Variants in DNAH8 observed in about 807,000 individuals in gnomAD.
DNAH8 encodes axonemal beta dynein heavy chain 8.
Under a neutral mutation model 562.1 loss-of-function variants are expected in DNAH8, and 382 were observed. That is an observed-to-expected ratio of 0.68 (90% CI 0.63 to 0.74). DNAH8 has a LOEUF of 0.74. DNAH8 is among the 30% of genes least tolerant of loss of function. The probability of loss-of-function intolerance (pLI) is 0.00; values close to 1 mark genes in which losing one functional copy is unlikely to be tolerated. For synonymous variants in DNAH8, 1,881 were observed against 1,919.4 expected, an observed-to-expected ratio of 0.98 and a Z score of 0.52; for missense variants, 5,203 against 5,620.4, an observed-to-expected ratio of 0.93 and a Z score of 2.37.
In DNAH8 at chr6:38,973,777, G is replaced by A. The variant is rs200348518; in HGVS notation, c.12642G>A (p.Thr4214=). The change falls in exon 84 of 93, where the codon ACG becomes ACA. Residue 4214 remains threonine, a synonymous_variant. Coordinates refer to ENST00000327475, the MANE Select transcript of DNAH8 (RefSeq NM_001206927.2). ...SDDSFRVWIT[T]EPHDRFPITL... ...ATTCTTTCCGAGTATGGATAACTAC[G>A]GAGCCCCATGATCGATTTCCAATTA... 2.7e-5 allele frequency: 43 copies of A among 1,609,236 alleles called. No individual in the cohort carries two copies. The highest frequency in any genetic ancestry group is 2.0e-4 in the African/African-American group (15 of 74,544).
rs1779959431 is a variant in DNAH8 at position 38,899,849 on chromosome 6, T to C, written c.9137T>C (p.Leu3046Pro). The C allele has an allele frequency of 6.2e-7, 1 of 1,611,782 alleles. No homozygotes were observed. The highest frequency in any genetic ancestry group is 1.7e-5 in the Admixed American group (1 of 59,568). The change falls in exon 62 of 93, where the codon CTT (leucine) becomes CCT (proline). Residue 3046 changes from leucine to proline, a missense_variant. By Grantham distance (98) the Leu-to-Pro change is moderately conservative. Transcript: ENST00000327475. ...VGVGGSGKQS[L>P]SRLASFIAGY... ...GTTGGTGGTTCCGGAAAACAAAGTC[T>C]TTCAAGATTGGCCTCTTTTATTGCT...
chr6:38,983,607 A>C (rs1437172087), intron 86 of DNAH8, among the ~76,000 whole-genome samples: 3 of 152,220 alleles, frequency 2.0e-5, no homozygotes, highest in African/African-American at 7.2e-5. Flanking sequence ...ATTTCTCGTA[A>C]CTCAAATGTA....
Position 38,946,725 on chromosome 6 carries a change from G to A in DNAH8, c.12129+1137G>A, listed in dbSNP as rs372749295. Among the ~76,000 whole-genome samples the A allele has an allele frequency of 1.9e-4, 29 of 152,132 alleles. No homozygotes were observed. The South Asian group carries it at 2.9e-3, about 15-fold the overall frequency. ...CTCGGGAGGCTGAGGCAGGAGAATC[G>A]CTTAAAACTGGGAAGCGGGGGTTGC... On this transcript the variant is annotated intron_variant, in intron 80 of 92. Transcript: ENST00000327475.
intron 1 of DNAH8, among the ~76,000 whole-genome samples, chr6:38,719,380 C>G (rs1409768774): frequency 6.6e-6 from 1 of 152,128 alleles, no homozygotes; most frequent in Non-Finnish European, 1.5e-5. Context: ...CCCTAACCCC[C>G]ATCCTTCCCT....
chr6:38,819,920 A>C (rs1019358684), intron 26 of DNAH8, among the ~76,000 whole-genome samples: 1 of 152,218 alleles, frequency 6.6e-6, no homozygotes, highest in African/African-American at 2.4e-5. Context: ...AAAAATTTGC[A>C]CAGCATTTTT....
chr6:38,892,929 T>C (rs1302225691), intron 58 of DNAH8, among the ~76,000 whole-genome samples: 1 of 152,184 alleles, frequency 6.6e-6, no homozygotes, highest in Non-Finnish European at 1.5e-5. Context: ...AGAGCGACTG[T>C]TCCAATCATC....
In DNAH8 at chr6:38,918,155, C is replaced by T; in HGVS notation, c.10524+15C>T. 1 of 1,554,348 alleles carries T rather than the reference C, an allele frequency of 6.4e-7. No individual in the cohort carries two copies. Among genetic ancestry groups the T allele is most frequent in the South Asian group, 1.1e-5 (1 of 88,120 alleles). On this transcript the variant is annotated intron_variant, in intron 70 of 92. Transcript: ENST00000327475. ...TGCCTCTGAAGGTAAAAGTTTCCTT[C>T]CTTCTCCCAGTAAATCAATATTTCA... is the stretch of plus-strand genomic sequence containing the variant.
intron 24 of DNAH8, among the ~76,000 whole-genome samples, chr6:38,810,123 CT>C (rs1204121805): frequency 2.0e-5 from 3 of 152,112 alleles, no homozygotes; most frequent in Admixed American, 6.6e-5. Context: ...TATAGTTGCA[CT>C]TAATTTATGA....
In DNAH8 at chr6:38,873,229, G is replaced by A. The variant is rs1400930406; in HGVS notation, c.7480-7G>A. On this transcript the variant is annotated splice_region_variant and splice_polypyrimidine_tract_variant and intron_variant, in intron 51 of 92. Transcript: ENST00000327475. ...CAATAAACACAGATTCTGTTTCTTT[G>A]TTGCAGGCATGGTTGAAGAAACGCA... 1.2e-6 allele frequency: 2 copies of A among 1,612,392 alleles called. No individual in the cohort carries two copies. Among genetic ancestry groups the A allele is most frequent in the Non-Finnish European group, 1.7e-6 (2 of 1,179,656 alleles).
At chr6:38,876,791 C>A (rs781240541) in intron 53 of DNAH8, among the ~76,000 whole-genome samples, 106 of 152,270 alleles carry the variant, frequency 7.0e-4, no homozygotes, top group Middle Eastern at 3.4e-3. Flanking sequence ...CTGTTTGAAT[C>A]GTGTAAAATA....
chr6:39,015,229 A>G (rs531326304), intron 91 of DNAH8, among the ~76,000 whole-genome samples: 60 of 152,376 alleles, frequency 3.9e-4, no homozygotes, highest in Non-Finnish European at 7.3e-4. Flanking sequence ...GGCTTTCCAT[A>G]GTCACGAATG....
rs1049202741 is a variant in DNAH8, at chr6:39,024,126, C to T, written c.13715-2420C>T. On this transcript the variant is annotated intron_variant, in intron 91 of 92. Coordinates refer to ENST00000327475, the MANE Select transcript of DNAH8 (RefSeq NM_001206927.2). ...AGAATCCAGCTCTATCCTCCTCTGG[C>T]ACCTATGACATTGTCTTGGTCATTG... 5.3e-5 allele frequency among the ~76,000 whole-genome samples: 8 copies of T among 152,206 alleles called. 1 individual carries two copies. The highest frequency in any genetic ancestry group is 5.2e-4 in the Admixed American group (8 of 15,282).
chr6:38,971,812 T>G, intron 83 of DNAH8, 147 bp downstream of exon 83: 2 of 495,586 alleles, frequency 4.0e-6, no homozygotes, highest in Non-Finnish European at 6.9e-6. Context: ...TCAGTCTAGT[T>G]TCCTCCTGAT....
At chr6:38,883,777 C>A in intron 55 of DNAH8, 99 bp from the exon 56 acceptor site, 6 of 982,696 alleles carry the variant, frequency 6.1e-6, no homozygotes, top group Non-Finnish European at 4.2e-6. Context: ...TTATTAAATG[C>A]GTAAGTAAAT....
At chr6:38,958,665 A>AT (rs1762421819) in intron 82 of DNAH8, among the ~76,000 whole-genome samples, 1 of 150,606 alleles carries the variant, frequency 6.6e-6, no homozygotes. Context: ...AAAAAAAAAA[A>AT]AAAAGCCCAG....
At chr6:38,743,198 T>C (rs143735260) in intron 8 of DNAH8, among the ~76,000 whole-genome samples, 2 of 151,842 alleles carry the variant, frequency 1.3e-5, no homozygotes, top group Non-Finnish European at 2.9e-5. Flanking sequence ...AATAATTTTT[T>C]AAAAATGTTG....
chr6:38,819,191 T>A (rs1031307665), intron 26 of DNAH8, among the ~76,000 whole-genome samples: 1 of 152,224 alleles, frequency 6.6e-6, no homozygotes, highest in Non-Finnish European at 1.5e-5. Flanking sequence ...TGTTCTTTCC[T>A]TTATGGCTAG....
At chr6:38,743,720 T>A (rs188276536) in intron 8 of DNAH8, among the ~76,000 whole-genome samples, 1 of 152,368 alleles carries the variant, frequency 6.6e-6, no homozygotes, top group East Asian at 1.9e-4. Flanking sequence ...TTCCTTTTTA[T>A]GGCTGAATCA....
intron 34 of DNAH8, 52 bp from the exon 35 acceptor site, chr6:38,842,611 T>C: frequency 3.1e-6 from 5 of 1,594,852 alleles, no homozygotes; most frequent in Non-Finnish European, 4.3e-6. Context: ...CATAAAACCT[T>C]CCTCAAATAA....
Sources: gnomAD v4.1 joint callset for allele counts (sites outside exome capture counted in the v4.1 genomes callset) on GRCh38, gnomAD v4.1.1 for gene constraint, MANE v1.5 for transcripts, NCBI Gene and HGNC (gene_info 2026-07-23, HGNC 2026-07-21) for gene names.